The following PPFIBP2 variants were observed in gnomAD, a reference collection of about 807,000 sequenced individuals.
PPFIBP2 encodes liprin-beta-2.
Under a neutral mutation model 118.3 loss-of-function variants are expected in PPFIBP2, and 118 were observed. That is an observed-to-expected ratio of 1.00 (90% CI 0.86 to 1.16). The LOEUF (loss-of-function observed/expected upper bound fraction) is 1.16, where lower values mean the gene tolerates loss of function less well. PPFIBP2 is among the 50% of genes most tolerant of loss of function. The pLI is 0.00. For missense variants in PPFIBP2, 1,195 were observed against 1,073.1 expected, an observed-to-expected ratio of 1.11 and a Z score of -1.59; for synonymous variants, 414 against 397.4, an observed-to-expected ratio of 1.04 and a Z score of -0.50.
chr11:7,532,103 A>G (rs1850749359), intron 1 of PPFIBP2, among the ~76,000 whole-genome samples: 2 of 152,154 alleles, frequency 1.3e-5, no homozygotes, highest in Admixed American at 6.5e-5. Flanking sequence ...CGGCCTCCCA[A>G]AGTGCTGGGA....
intron 23 of PPFIBP2, among the ~76,000 whole-genome samples, chr11:7,652,182 C>G (rs944149249): frequency 6.6e-6 from 1 of 152,260 alleles, no homozygotes; most frequent in Non-Finnish European, 1.5e-5. Context: ...TTCCTTCGGT[C>G]AGGCCTGCCT....
chr11:7,628,887 A>T (rs776240273), intron 9 of PPFIBP2, among the ~76,000 whole-genome samples: 17 of 152,218 alleles, frequency 1.1e-4, no homozygotes, highest in Non-Finnish European at 1.8e-4. Flanking sequence ...ACAGACTCAG[A>T]GTGCTTAAGT....
At chr11:7,547,654 C>A (rs907605041) in intron 1 of PPFIBP2, among the ~76,000 whole-genome samples, 3 of 152,108 alleles carry the variant, frequency 2.0e-5, no homozygotes, top group Non-Finnish European at 4.4e-5. Flanking sequence ...GCTCCTCTCA[C>A]CTCGGAGCAG....
At chr11:7,568,831 C>G (rs909468983) in intron 3 of PPFIBP2, 2 of 152,178 alleles carry the variant, frequency 1.3e-5, no homozygotes, top group African/African-American at 4.8e-5. Context: ...CGAAGTCCTC[C>G]AGATCAATGA....
chr11:7,623,426 A>T (rs546328290), intron 7 of PPFIBP2, among the ~76,000 whole-genome samples: 1 of 152,330 alleles, frequency 6.6e-6, no homozygotes, highest in East Asian at 1.9e-4. Flanking sequence ...AGTCAAGTAG[A>T]AGGTCTCTGG....
chr11:7,559,287 G>A (rs777813123), intron 2 of PPFIBP2, among the ~76,000 whole-genome samples: 2 of 152,014 alleles, frequency 1.3e-5, no homozygotes, highest in Non-Finnish European at 2.9e-5. Context: ...AAATTTTCCT[G>A]TTAATTCCAG....
chr11:7,611,830 C>T (rs767432103), intron 6 of PPFIBP2, among the ~76,000 whole-genome samples: 5 of 152,204 alleles, frequency 3.3e-5, no homozygotes, highest in Non-Finnish European at 5.9e-5. Flanking sequence ...GACATAGATA[C>T]ATTATTTACA....
intron 16 of PPFIBP2, 105 bp from the exon 17 acceptor site, chr11:7,642,193 G>C: frequency 7.3e-7 from 1 of 1,374,304 alleles, no homozygotes; most frequent in South Asian, 1.3e-5. Context: ...CAGTGCTGCC[G>C]AGAGTCCCTG....
chr11:7,662,656 C>A, the PPFIBP2 span, among the ~76,000 whole-genome samples: 6 of 137,612 alleles, frequency 4.4e-5, no homozygotes, highest in South Asian at 2.6e-4. Context: ...GAGTATCTTT[C>A]TGGCGTTCTC....
intron 12 of PPFIBP2, among the ~76,000 whole-genome samples, chr11:7,634,130 C>G (rs971778696): frequency 6.6e-6 from 1 of 152,210 alleles, no homozygotes; most frequent in Admixed American, 6.5e-5. Context: ...TAGACTCAGA[C>G]AAGCCCAGCA....
chr11:7,628,081 G>GAGTACT (rs1401060778), intron 8 of PPFIBP2, among the ~76,000 whole-genome samples: 2 of 152,212 alleles, frequency 1.3e-5, no homozygotes, highest in Admixed American at 6.5e-5. Flanking sequence ...AGAGAAGACA[G>GAGTACT]AGTACTAGCT....
rs1394542914 is a variant in PPFIBP2, at chr11:7,653,141, T to A, written c.2554T>A (p.Tyr852Asn). The A allele has an allele frequency of 6.2e-7, 1 of 1,614,266 alleles. No homozygotes were observed. The highest frequency in any genetic ancestry group is 2.2e-5 in the East Asian group (1 of 44,890). The change falls in exon 24 of 24, where the codon TAC (tyrosine) becomes AAC (asparagine). Residue 852 changes from tyrosine to asparagine, a missense_variant. Tyr to Asn is a moderately radical substitution (Grantham distance 143). Transcript: ENST00000299492. ...CGGTGTCAGTGATAGTCACAGGGTC[T>A]ACAGTGGCTACCGGGGCCTCAGCCC... Reference protein sequence around the residue: ...SDGVSDSHRVYSGYRGLSPLD... With the variant: ...SDGVSDSHRVNSGYRGLSPLD...
Position 7,649,592 on chromosome 11 carries a change from A to G in PPFIBP2, c.2059A>G (p.Ile687Val), listed in dbSNP as rs538260515. ...ACATCATCTCAGCATCAAATGTGCC[A>G]TTCACGTGCTGCATGTCAACAAGTT... Reference protein sequence around the residue: ...QLHHLSIKCAIHVLHVNKFNP... With the variant: ...QLHHLSIKCAVHVLHVNKFNP... The change falls in exon 21 of 24, where the codon ATT becomes GTT. Residue 687 changes from isoleucine to valine, a missense_variant. Physicochemically the swap from Ile to Val is conservative, Grantham distance 29. Transcript: ENST00000299492. 1.9e-6 allele frequency: 3 copies of G among 1,614,238 alleles called. No individual in the cohort carries two copies. The highest frequency in any genetic ancestry group is 2.5e-6 in the Non-Finnish European group (3 of 1,180,038).
intron 3 of PPFIBP2, among the ~76,000 whole-genome samples, chr11:7,570,164 G>T (rs958592423): frequency 3.3e-5 from 5 of 151,980 alleles, no homozygotes. Context: ...CTGGTGGTTA[G>T]TGGCATAGAT....
chr11:7,648,104 G>A lies in PPFIBP2; in HGVS notation c.1647-283G>A, dbSNP rs1853388013. 1.7e-5 allele frequency: 6 copies of A among 351,270 alleles called. No individual in the cohort carries two copies. The South Asian group carries it at 2.3e-4, about 14-fold the overall frequency. 21.8% of individuals were successfully genotyped at this position (351,270 alleles called of 1,614,324 possible). On this transcript the variant is annotated intron_variant, in intron 17 of 23. Coordinates refer to ENST00000299492, the MANE Select transcript of PPFIBP2 (RefSeq NM_003621.5). ...ATGTGTGTATGCGGACCTAGGACAT[G>A]TGAACATGATCTCAGGAGGGCCATA...
chr11:7,662,648 G>C, the PPFIBP2 span, among the ~76,000 whole-genome samples: 9 of 145,698 alleles, frequency 6.2e-5, no homozygotes, highest in East Asian at 1.9e-3. Context: ...TTCTCGAGGA[G>C]TATCTTTCTG....
At chr11:7,663,359 T>C in the PPFIBP2 span, among the ~76,000 whole-genome samples, 3 of 151,738 alleles carry the variant, frequency 2.0e-5, no homozygotes, top group Non-Finnish European at 2.9e-5. Context: ...TTAGTTTTCC[T>C]TCTAACAGAC....
At chr11:7,535,036 G>C (rs2134377472) in intron 1 of PPFIBP2, among the ~76,000 whole-genome samples, 1 of 152,350 alleles carries the variant, frequency 6.6e-6, no homozygotes, top group Middle Eastern at 3.4e-3. Context: ...TAGGGAGAGG[G>C]GAGGATGGGC....
At chr11:7,598,457 T>C (rs890705595) in intron 5 of PPFIBP2, 16 of 155,058 alleles carry the variant, frequency 1.0e-4, no homozygotes, top group Non-Finnish European at 1.7e-4. Context: ...TGAATTTTTA[T>C]TGTATCAAAA....
Sources: allele counts gnomAD v4.1 joint callset (sites outside exome capture counted in the v4.1 genomes callset), GRCh38; gene constraint gnomAD v4.1.1; transcripts MANE v1.5; gene names NCBI Gene and HGNC (gene_info 2026-07-23, HGNC 2026-07-21).